GBE1: variants seen among roughly 807,000 people sequenced by gnomAD.
The protein encoded by GBE1 is 1,4-alpha-glucan branching enzyme 1, also known as 1,4-alpha-glucan-branching enzyme.
Under a neutral mutation model 88.8 loss-of-function variants are expected in GBE1, and 70 were observed. That is an observed-to-expected ratio of 0.79 (90% CI 0.65 to 0.96). The LOEUF (loss-of-function observed/expected upper bound fraction) is 0.96. GBE1 is among the 40% of genes least tolerant of loss of function. The pLI is 0.00. For synonymous variants in GBE1, 284 were observed against 300.1 expected (o/e 0.95, Z 0.56); for missense variants, 872 against 871.0 (o/e 1.00, Z -0.01).
At chr3:81,564,770 C>T (rs774191996) in intron 12 of GBE1, among the ~76,000 whole-genome samples, 4 of 152,058 alleles carry the variant, frequency 2.6e-5, no homozygotes, top group Non-Finnish European at 4.4e-5. Flanking sequence ...GACATTCTCT[C>T]GCCTGGCTTC....
chr3:81,744,264 G>A (rs1327222825), intron 1 of GBE1, among the ~76,000 whole-genome samples: 1 of 143,340 alleles, frequency 7.0e-6, no homozygotes, highest in East Asian at 2.3e-4. Flanking sequence ...TAGTACAAAC[G>A]ACAGGTAAAA....
intron 14 of GBE1, chr3:81,509,656 C>T (rs1274941903): frequency 2.0e-5 from 3 of 151,712 alleles, no homozygotes; most frequent in African/African-American, 7.3e-5. Flanking sequence ...CCTTTGCAGT[C>T]TCCTCCTTGG....
intron 13 of GBE1, 84 bp downstream of exon 13, chr3:81,536,827 C>G (rs1324604497): frequency 9.6e-7 from 1 of 1,036,956 alleles, no homozygotes; most frequent in Non-Finnish European, 1.4e-6. Context: ...TTTAAAAGAT[C>G]TGCATAGAGA....
At chr3:81,714,720 A>G (rs567805287) in intron 1 of GBE1, among the ~76,000 whole-genome samples, 9 of 152,332 alleles carry the variant, frequency 5.9e-5, no homozygotes, top group African/African-American at 1.9e-4. Context: ...TATAACAAAT[A>G]GACTGGACGG....
chr3:81,590,142 T>C (rs564683954), intron 9 of GBE1, among the ~76,000 whole-genome samples: 1 of 152,164 alleles, frequency 6.6e-6, no homozygotes, highest in Admixed American at 6.5e-5. Context: ...AAATTGGAGA[T>C]TTCTGATTTT....
At chr3:81,648,765 C>T (rs1704803527) in intron 5 of GBE1, 91 bp downstream of exon 5, 2 of 724,734 alleles carry the variant, frequency 2.8e-6, no homozygotes, top group East Asian at 3.0e-5. Flanking sequence ...AATCTCCTAA[C>T]ACAAAAAAGA....
chr3:81,510,508 A>C (rs559888676), intron 14 of GBE1, among the ~76,000 whole-genome samples: 7 of 152,254 alleles, frequency 4.6e-5, no homozygotes, highest in African/African-American at 1.2e-4. Flanking sequence ...GCATATCTGC[A>C]TCATCACTTC....
intron 12 of GBE1, among the ~76,000 whole-genome samples, chr3:81,570,850 A>G (rs1485968767): frequency 5.3e-5 from 8 of 152,180 alleles, no homozygotes. Flanking sequence ...AGCCTAAAAA[A>G]CCATAAACAT....
At chr3:81,694,873 G>A (rs1705569523) in intron 2 of GBE1, among the ~76,000 whole-genome samples, 2 of 152,052 alleles carry the variant, frequency 1.3e-5, no homozygotes, top group African/African-American at 4.8e-5. Context: ...GCCGACTGAA[G>A]GACGTCAAAA....
chr3:81,557,620 T>C (rs1360653580), intron 12 of GBE1, among the ~76,000 whole-genome samples: 1 of 151,974 alleles, frequency 6.6e-6, no homozygotes, highest in Non-Finnish European at 1.5e-5. Context: ...GATAACCAGG[T>C]AGAGATCTCA....
At chr3:81,639,677 A>G (rs1312328226) in intron 7 of GBE1, among the ~76,000 whole-genome samples, 1 of 152,138 alleles carries the variant, frequency 6.6e-6, no homozygotes, top group African/African-American at 2.4e-5. Flanking sequence ...CTAAACCCAG[A>G]CCATATAAAA....
rs976569430 is a variant in GBE1 at position 81,535,100 on chromosome 3, T to C, written c.1934+95A>G. On this transcript the variant is annotated intron_variant, in intron 14 of 15. Coordinates refer to ENST00000429644, the MANE Select transcript of GBE1 (RefSeq NM_000158.4). Reference sequence around the variant, plus strand: ...ATGAGGAAAATGAATGTTTCTGTCATCAAGATCAACCTTAGTCTTTTTTTT... The same window carrying C: ...ATGAGGAAAATGAATGTTTCTGTCACCAAGATCAACCTTAGTCTTTTTTTT... The C allele has an allele frequency of 2.7e-4, 306 of 1,143,204 alleles. 3 individuals are homozygous for C. Among genetic ancestry groups the C allele is most frequent in the Admixed American group, 1.8e-4 (6 of 33,564 alleles). The allele number at this position is 1,143,204 out of a possible 1,614,324, so 70.8% of individuals were successfully genotyped here. A position where few individuals can be genotyped will look rare whatever the true frequency, so the allele number is the denominator to read the frequency against.
intron 1 of GBE1, among the ~76,000 whole-genome samples, chr3:81,731,773 G>T (rs1001724271): frequency 1.3e-5 from 2 of 151,722 alleles, no homozygotes; most frequent in African/African-American, 2.4e-5. Context: ...TTCACCTTCC[G>T]CCATGAATGT....
intron 12 of GBE1, among the ~76,000 whole-genome samples, chr3:81,559,918 C>T (rs375321962): frequency 2.7e-4 from 41 of 152,074 alleles, no homozygotes; most frequent in African/African-American, 8.9e-4. Flanking sequence ...ATTTATTCTA[C>T]TAGTATCTAT....
chr3:81,599,769 T>C (rs913502562), intron 7 of GBE1, among the ~76,000 whole-genome samples: 2 of 152,134 alleles, frequency 1.3e-5, no homozygotes, highest in Non-Finnish European at 2.9e-5. Flanking sequence ...ACCTTATCTA[T>C]AAAATAAAGC....
At chr3:81,545,247 A>G (rs1453185001) in intron 12 of GBE1, among the ~76,000 whole-genome samples, 1 of 152,120 alleles carries the variant, frequency 6.6e-6, no homozygotes, top group Non-Finnish European at 1.5e-5. Flanking sequence ...TAAACTTGTA[A>G]TCACTGCCCC....
intron 1 of GBE1, among the ~76,000 whole-genome samples, chr3:81,728,639 G>T (rs187303725): frequency 6.6e-6 from 1 of 152,164 alleles, no homozygotes; most frequent in Non-Finnish European, 1.5e-5. Context: ...GGAAAGAGAG[G>T]AGGAGGAGAG....
chr3:81,534,952 G>C, intron 14 of GBE1: 1 of 375,054 alleles, frequency 2.7e-6, no homozygotes, highest in South Asian at 3.0e-5. Flanking sequence ...TCTTTCCTTT[G>C]ATGTGAACCA....
intron 14 of GBE1, among the ~76,000 whole-genome samples, chr3:81,508,879 G>A (rs1291779035): frequency 6.6e-6 from 1 of 152,098 alleles, no homozygotes; most frequent in Non-Finnish European, 1.5e-5. Flanking sequence ...CTCTGAGTAA[G>A]TTACTTACTT....
Sources: gnomAD v4.1 joint callset for allele counts (sites outside exome capture counted in the v4.1 genomes callset) on GRCh38, gnomAD v4.1.1 for gene constraint, MANE v1.5 for transcripts, NCBI Gene and HGNC (gene_info 2026-07-23, HGNC 2026-07-21) for gene names.